The following PDE1C variants were observed in gnomAD, a reference collection of about 807,000 sequenced individuals.
PDE1C encodes the protein dual specificity calcium/calmodulin-dependent 3',5'-cyclic nucleotide phosphodiesterase 1C.
PDE1C carries 62 observed loss-of-function variants against 93.1 expected under a neutral mutation model. That is an observed-to-expected ratio of 0.67 (90% CI 0.54 to 0.82). The LOEUF (loss-of-function observed/expected upper bound fraction) is 0.82, where lower values mean the gene tolerates loss of function less well. Among genes scored for constraint, PDE1C ranks in the 40% least tolerant of loss-of-function variants. The pLI is 0.00. For synonymous variants in PDE1C, 325 were observed against 310.1 expected (o/e 1.05, Z -0.50); for missense variants, 742 against 884.6 (o/e 0.84, Z 2.04).
At chr7:32,077,851 A>G in intron 3 of PDE1C, 1 of 984,636 alleles carries the variant, frequency 1.0e-6, no homozygotes, top group Non-Finnish European at 1.2e-6. Context: ...TTACAGGCAT[A>G]CTTTATTATT....
At chr7:32,184,909 C>T (rs541040026) in intron 2 of PDE1C, among the ~76,000 whole-genome samples, 279 of 152,180 alleles carry the variant, frequency 1.8e-3, no homozygotes, top group Non-Finnish European at 1.9e-3. Context: ...GTCAGGAGTT[C>T]GAGAGCAGCC....
the PDE1C span, among the ~76,000 whole-genome samples, chr7:31,675,194 G>A: frequency 1.3e-5 from 2 of 152,154 alleles, no homozygotes; most frequent in Non-Finnish European, 2.9e-5. Flanking sequence ...GCCATGGCCA[G>A]TTTGCAATCA....
the PDE1C span, among the ~76,000 whole-genome samples, chr7:31,641,375 T>C: frequency 1.5e-4 from 23 of 152,252 alleles, no homozygotes; most frequent in African/African-American, 5.5e-4. Flanking sequence ...CCTCTGCTCC[T>C]TGTATTCTAA....
At chr7:31,838,089 C>T (rs1791353483) in intron 9 of PDE1C, 118 bp from the exon 10 acceptor site, 1 of 703,674 alleles carries the variant, frequency 1.4e-6, no homozygotes, top group Admixed American at 2.2e-5. Context: ...CATTTCTAAT[C>T]TAATTTGGGT....
rs1223453618 is a variant in PDE1C at position 32,051,579 on chromosome 7, T to C, written c.103A>G (p.Arg35Gly). 2.5e-6 allele frequency: 4 copies of C among 1,613,306 alleles called. No individual in the cohort carries two copies. The highest frequency in any genetic ancestry group is 3.4e-6 in the Non-Finnish European group (4 of 1,179,434). Residue 35 changes from arginine (R) to glycine (G), a missense_variant and splice_region_variant, in exon 2 of 18, where the codon AGG (arginine) becomes GGG (glycine). Physicochemically the swap from Arg to Gly is moderately radical, Grantham distance 125 (BLOSUM62 -2). This residue lies in a region of PDE1C where 74 missense variants were observed against 88.2 expected (regional missense o/e 0.84). Coordinates refer to ENST00000396191, the MANE Select transcript of PDE1C (RefSeq NM_001191057.4). ...EKIWLRLRGL[R>G]KYKKTSQRLR... ...CTCTGGGACGTTTTCTTATATTTCC[T>C]CCTGTAAGAAAAGGCATAAACATAT...
the PDE1C span, among the ~76,000 whole-genome samples, chr7:31,677,666 A>C: frequency 1.3e-5 from 2 of 152,210 alleles, no homozygotes; most frequent in Non-Finnish European, 2.9e-5. Context: ...TCAGTGCAAT[A>C]GTGAATGTAG....
chr7:31,940,249 A>T (rs1805636238), intron 2 of PDE1C, among the ~76,000 whole-genome samples: 1 of 152,030 alleles, frequency 6.6e-6, no homozygotes, highest in Non-Finnish European at 1.5e-5. Context: ...GCCCTACCCA[A>T]CCAAGCGGTA....
At chr7:32,157,843 G>C (rs1355400249) in intron 3 of PDE1C, among the ~76,000 whole-genome samples, 1 of 152,120 alleles carries the variant, frequency 6.6e-6, no homozygotes, top group Non-Finnish European at 1.5e-5. Flanking sequence ...CATTTTATTA[G>C]TCTTGCAATT....
chr7:31,889,986 A>ATT (rs140119538), intron 2 of PDE1C, among the ~76,000 whole-genome samples: 1 of 151,506 alleles, frequency 6.6e-6, no homozygotes, highest in African/African-American at 2.4e-5. Context: ...GACATAGCGG[A>ATT]TTTTTTTTTA....
At chr7:31,804,649 G>T (rs571241698) in intron 16 of PDE1C, among the ~76,000 whole-genome samples, 2 of 151,744 alleles carry the variant, frequency 1.3e-5, no homozygotes, top group East Asian at 2.0e-4. Context: ...ATTAAGTCAA[G>T]AACTTTCGTC....
rs569158105 is a variant in PDE1C, at chr7:32,008,264, T to C, written c.128+43290A>G. Among the ~76,000 whole-genome samples the C allele has an allele frequency of 1.3e-4, 20 of 152,298 alleles. No homozygotes were observed. In the South Asian group the frequency reaches 4.1e-3, roughly 32 times the overall value. ...GGTATTTTATTCCATGTCCACCTAG[T>C]TTCTGCCTCTTGACTGCCTCCCATT... On this transcript the variant is annotated intron_variant, in intron 2 of 17. Transcript: ENST00000396191.
the PDE1C span, among the ~76,000 whole-genome samples, chr7:31,680,950 G>A: frequency 1.3e-5 from 2 of 152,190 alleles, no homozygotes; most frequent in African/African-American, 4.8e-5. Context: ...CCTGACAAGT[G>A]AGTGGTACAT....
chr7:31,656,150 G>T, the PDE1C span: 1 of 403,824 alleles, frequency 2.5e-6, no homozygotes, highest in African/African-American at 2.2e-5. Context: ...TTAAAACACT[G>T]AAAACCTCCT....
At chr7:32,122,027 T>C (rs895545776) in intron 3 of PDE1C, among the ~76,000 whole-genome samples, 3 of 151,760 alleles carry the variant, frequency 2.0e-5, no homozygotes, top group Non-Finnish European at 4.4e-5. Flanking sequence ...AGGAGGAAAA[T>C]TTACCAAGCA....
At chr7:31,929,200 C>T (rs1325879974) in intron 2 of PDE1C, among the ~76,000 whole-genome samples, 2 of 151,876 alleles carry the variant, frequency 1.3e-5, no homozygotes, top group African/African-American at 4.8e-5. Context: ...AAGGGCATTA[C>T]ATAATGGTAA....
rs534136427 is a variant in PDE1C at position 31,754,890 on chromosome 7, T to TA, written c.1961-1338dup. On this transcript the variant is annotated intron_variant, in intron 17 of 17. Transcript: ENST00000396191. ...TAGAATAATCCTTAATGTATGCAAA[T>TA]AAAAAAACTATTTAAGAGGTCGGAG... 7.5e-4 allele frequency among the ~76,000 whole-genome samples: 114 copies of TA among 152,230 alleles called. 1 individual carries two copies. The highest frequency in any genetic ancestry group is 1.2e-3 in the Non-Finnish European group (82 of 68,010).
At chr7:31,824,566 C>A (rs965281730) in intron 13 of PDE1C, among the ~76,000 whole-genome samples, 2 of 152,090 alleles carry the variant, frequency 1.3e-5, no homozygotes, top group African/African-American at 4.8e-5. Context: ...TGGAGTATTA[C>A]ATGAGCAAGG....
intron 2 of PDE1C, among the ~76,000 whole-genome samples, chr7:32,025,007 C>G (rs979616360): frequency 6.6e-6 from 1 of 152,080 alleles, no homozygotes; most frequent in Non-Finnish European, 1.5e-5. Context: ...ATGGAACACT[C>G]AAGCACGCCA....
At chr7:32,003,323 A>T (rs772436316) in intron 2 of PDE1C, among the ~76,000 whole-genome samples, 2 of 152,248 alleles carry the variant, frequency 1.3e-5, no homozygotes, top group Non-Finnish European at 2.9e-5. Flanking sequence ...TCTGTGAGTG[A>T]AGTAACTACT....
Sources: allele counts gnomAD v4.1 joint callset (sites outside exome capture counted in the v4.1 genomes callset), GRCh38; gene constraint gnomAD v4.1.1; regional missense constraint gnomAD v4.1.1; transcripts MANE v1.5; gene names NCBI Gene and HGNC (gene_info 2026-07-23, HGNC 2026-07-21).